The following COL13A1 variants were observed in gnomAD, a reference collection of about 807,000 sequenced individuals.
The protein encoded by COL13A1 is collagen alpha-1(XIII) chain.
A neutral mutation model predicts 130.9 loss-of-function variants in COL13A1; 89 were observed. The ratio of observed to expected loss-of-function variants is 0.68; its 90% CI spans 0.57 to 0.81. The LOEUF (loss-of-function observed/expected upper bound fraction) is 0.81, where lower values mean the gene tolerates loss of function less well. Ranked by LOEUF, COL13A1 falls within the 30% of genes least tolerant of loss-of-function variation. The probability of loss-of-function intolerance (pLI) is 0.00; values close to 1 mark genes in which losing one functional copy is unlikely to be tolerated. For missense variants in COL13A1, 879 were observed against 934.6 expected (o/e 0.94, Z 0.78); for synonymous variants, 402 against 341.6 (o/e 1.18, Z -1.95).
At chr10:69,835,754 C>T (rs371950404) in intron 2 of COL13A1, among the ~76,000 whole-genome samples, 12 of 152,182 alleles carry the variant, frequency 7.9e-5, no homozygotes, top group African/African-American at 2.2e-4. Context: ...AGTGGGAAAC[C>T]GAGGACTCGG....
At chr10:69,803,572 G>A (rs560239542) in intron 1 of COL13A1, among the ~76,000 whole-genome samples, 7 of 152,314 alleles carry the variant, frequency 4.6e-5, no homozygotes, top group African/African-American at 1.7e-4. Context: ...CAGATAGAGA[G>A]GAGGACAGGC....
At chr10:69,942,493 C>T (rs147486580) in intron 35 of COL13A1, among the ~76,000 whole-genome samples, 46 of 152,214 alleles carry the variant, frequency 3.0e-4, no homozygotes, top group Admixed American at 1.4e-3. Context: ...TATGTTAGAC[C>T]GAGGGAAGCA....
intron 16 of COL13A1, among the ~76,000 whole-genome samples, chr10:69,905,183 G>A (rs886605320): frequency 3.3e-5 from 5 of 152,182 alleles, no homozygotes; most frequent in African/African-American, 1.2e-4. Flanking sequence ...CTAGTGCTAC[G>A]GGCTGGCATT....
intron 30 of COL13A1, 98 bp from the exon 31 acceptor site, chr10:69,932,462 A>G (rs1565106640): frequency 1.4e-5 from 11 of 809,374 alleles, no homozygotes; most frequent in Non-Finnish European, 2.3e-5. Context: ...CCCCTAGACC[A>G]GTCACGTCCC....
intron 31 of COL13A1, among the ~76,000 whole-genome samples, chr10:69,933,419 A>C (rs1476057685): frequency 4.6e-5 from 7 of 152,184 alleles, no homozygotes. Flanking sequence ...GGTTTTCAAA[A>C]GACAGCAGAG....
At chr10:69,895,749 G>A (rs1415352816) in intron 13 of COL13A1, among the ~76,000 whole-genome samples, 173 bp downstream of exon 13, 3 of 152,282 alleles carry the variant, frequency 2.0e-5, no homozygotes, top group African/African-American at 4.8e-5. Context: ...ATGGTGGTGC[G>A]TCTGGTGGGA....
In COL13A1 at chr10:69,889,714, TTACTG is replaced by T. The variant is rs200604485; in HGVS notation, c.603+275_603+279del. Among the ~76,000 whole-genome samples the T allele has an allele frequency of 0.13, 19,254 of 152,204 alleles. 1,249 individuals carry two copies. Among genetic ancestry groups the T allele is most frequent in the Middle Eastern group, 0.18 (53 of 294 alleles). On this transcript the variant is annotated intron_variant, in intron 10 of 40. Coordinates refer to ENST00000645393, the MANE Select transcript of COL13A1 (RefSeq NM_001368882.1). ...TAGCACACAGAGGTCGGTGTCCAGC[TTACTG>T]CTCTCAAACCACACTCGCATGGGCC...
At chr10:69,928,755 T>C (rs978988575) in intron 27 of COL13A1, among the ~76,000 whole-genome samples, 182 bp from the exon 28 acceptor site, 6 of 152,230 alleles carry the variant, frequency 3.9e-5, no homozygotes, top group Admixed American at 1.3e-4. Flanking sequence ...CACTTGGTGC[T>C]TATATGTTTT....
intron 1 of COL13A1, among the ~76,000 whole-genome samples, chr10:69,808,150 T>C (rs911210646): frequency 6.6e-6 from 1 of 152,218 alleles, no homozygotes; most frequent in Non-Finnish European, 1.5e-5. Context: ...CTGAACAGAC[T>C]GAGGACCTCA....
chr10:69,860,863 C>T (rs775276171), intron 2 of COL13A1, among the ~76,000 whole-genome samples: 32 of 152,218 alleles, frequency 2.1e-4, no homozygotes, highest in African/African-American at 6.8e-4. Context: ...GCCATCTCCA[C>T]GAGGGCTCCA....
chr10:69,858,836 A>G (rs960272534), intron 2 of COL13A1, among the ~76,000 whole-genome samples: 9 of 152,234 alleles, frequency 5.9e-5, no homozygotes, highest in Non-Finnish European at 1.2e-4. Context: ...AAAGGTTAAG[A>G]AAGAAAGCTT....
chr10:69,820,858 T>A (rs982767565), intron 1 of COL13A1, among the ~76,000 whole-genome samples: 1 of 152,168 alleles, frequency 6.6e-6, no homozygotes, highest in South Asian at 2.1e-4. Flanking sequence ...ACACCTCAGA[T>A]CCACTACATC....
chr10:69,839,584 G>A (rs1244283223), intron 2 of COL13A1, among the ~76,000 whole-genome samples: 5 of 152,234 alleles, frequency 3.3e-5, no homozygotes, highest in African/African-American at 1.2e-4. Context: ...CTGAGCATGA[G>A]AAGTGCTGTG....
chr10:69,819,544 G>T (rs1172839132), intron 1 of COL13A1, among the ~76,000 whole-genome samples: 1 of 152,178 alleles, frequency 6.6e-6, no homozygotes, highest in Non-Finnish European at 1.5e-5. Context: ...AGGCAGAGGG[G>T]CCAGGTCTGC....
At chr10:69,856,581 A>T (rs71480612) in intron 2 of COL13A1, among the ~76,000 whole-genome samples, 3 of 152,256 alleles carry the variant, frequency 2.0e-5, no homozygotes, top group Admixed American at 6.5e-5. Context: ...AGAATAATTC[A>T]CTGAATATTT....
At chr10:69,815,755 T>C (rs2132409413) in intron 1 of COL13A1, among the ~76,000 whole-genome samples, 1 of 152,260 alleles carries the variant, frequency 6.6e-6, no homozygotes, top group East Asian at 1.9e-4. Context: ...ACAACCAATA[T>C]TTATTGAGCA....
At chr10:69,921,082 T>C (rs1469103460) in intron 21 of COL13A1, among the ~76,000 whole-genome samples, 1 of 152,194 alleles carries the variant, frequency 6.6e-6, no homozygotes, top group East Asian at 1.9e-4. Context: ...AGAAATTCAT[T>C]GTCCCACAGT....
intron 32 of COL13A1, 128 bp downstream of exon 32, chr10:69,935,519 C>A: frequency 3.0e-6 from 2 of 666,954 alleles, no homozygotes; most frequent in Non-Finnish European, 5.0e-6. Flanking sequence ...GGTCTACAAA[C>A]CCCTCCCCGC....
intron 2 of COL13A1, among the ~76,000 whole-genome samples, chr10:69,859,244 G>C (rs2395284): frequency 6.6e-6 from 1 of 150,686 alleles, no homozygotes; most frequent in Admixed American, 6.6e-5. Context: ...GTAATTGCGG[G>C]TTTTGCCATT....
Sources: allele counts gnomAD v4.1 joint callset (sites outside exome capture counted in the v4.1 genomes callset), GRCh38; gene constraint gnomAD v4.1.1; transcripts MANE v1.5; gene names NCBI Gene and HGNC (gene_info 2026-07-23, HGNC 2026-07-21).